FREM1: variants seen among roughly 807,000 people sequenced by gnomAD.
FREM1 encodes FRAS1-related extracellular matrix protein 1.
A neutral mutation model predicts 210.1 loss-of-function variants in FREM1; 220 were observed. The observed-to-expected ratio is 1.05, with a 90% CI of 0.94 to 1.17. The LOEUF is 1.17. Among genes scored for constraint, FREM1 ranks in the 50% most tolerant of loss-of-function variants. The pLI, the probability that FREM1 is intolerant of heterozygous loss-of-function variation, is 0.00. For missense variants in FREM1, 3,454 were observed against 2,675.5 expected (o/e 1.29, Z -6.42); for synonymous variants, 1,189 against 980.2 (o/e 1.21, Z -3.98).
intron 10 of FREM1, among the ~76,000 whole-genome samples, chr9:14,826,131 C>G (rs151048306): frequency 7.4e-6 from 1 of 135,234 alleles, no homozygotes; most frequent in East Asian, 2.2e-4. Context: ...CTCACACTGT[C>G]ACACAGGCTG....
At chr9:14,804,683 AC>A (rs1305342493) in intron 19 of FREM1, among the ~76,000 whole-genome samples, 2 of 152,208 alleles carry the variant, frequency 1.3e-5, no homozygotes, top group Non-Finnish European at 2.9e-5. Flanking sequence ...TAGGCAAGAT[AC>A]AAGACAATGG....
intron 1 of FREM1, among the ~76,000 whole-genome samples, chr9:14,871,489 T>G (rs1832671057): frequency 1.3e-5 from 2 of 152,150 alleles, no homozygotes; most frequent in African/African-American, 4.8e-5. Flanking sequence ...TTCGCCCACT[T>G]TTTGATGGGG....
chr9:14,872,849 A>C (rs2131941573), intron 1 of FREM1, among the ~76,000 whole-genome samples: 1 of 152,096 alleles, frequency 6.6e-6, no homozygotes, highest in East Asian at 1.9e-4. Context: ...TCCCATCAAT[A>C]CCTAATTTAT....
intron 1 of FREM1, among the ~76,000 whole-genome samples, chr9:14,883,317 T>C (rs1389065340): frequency 6.6e-6 from 1 of 152,120 alleles, no homozygotes; most frequent in Non-Finnish European, 1.5e-5. Flanking sequence ...ACAAAACTCA[T>C]CCTTCAATCA....
chr9:14,814,495 A>G (rs1385602649), intron 15 of FREM1, among the ~76,000 whole-genome samples: 1 of 152,246 alleles, frequency 6.6e-6, no homozygotes, highest in Non-Finnish European at 1.5e-5. Flanking sequence ...ACAAATATAC[A>G]TGAAATTTAA....
intron 1 of FREM1, among the ~76,000 whole-genome samples, chr9:14,887,457 C>T (rs919821029): frequency 6.6e-5 from 10 of 152,170 alleles, no homozygotes; most frequent in African/African-American, 2.4e-4. Context: ...GAAGACACAA[C>T]TGTAAAGCAG....
chr9:14,880,396 G>C (rs1379179866), intron 1 of FREM1, among the ~76,000 whole-genome samples: 2 of 152,110 alleles, frequency 1.3e-5, no homozygotes, highest in African/African-American at 2.4e-5. Flanking sequence ...CTGAAGTCAG[G>C]AGTTCGAGAC....
At chr9:14,866,885 A>G (rs1291532095) in intron 2 of FREM1, among the ~76,000 whole-genome samples, 4 of 151,424 alleles carry the variant, frequency 2.6e-5, no homozygotes, top group Admixed American at 6.6e-5. Flanking sequence ...TTTCAGACAG[A>G]GTCTCACACT....
intron 1 of FREM1, among the ~76,000 whole-genome samples, chr9:14,901,657 T>C (rs769633663): frequency 1.3e-5 from 2 of 152,198 alleles, no homozygotes; most frequent in Non-Finnish European, 2.9e-5. Context: ...ACATGTCTTA[T>C]TGTAGGAAGA....
At chr9:14,881,737 A>T (rs1834825584) in intron 1 of FREM1, among the ~76,000 whole-genome samples, 1 of 152,246 alleles carries the variant, frequency 6.6e-6, no homozygotes, top group South Asian at 2.1e-4. Context: ...CTAGGTATAT[A>T]GTCACCCAGA....
At chr9:14,767,044 T>C (rs1463153213) in intron 27 of FREM1, among the ~76,000 whole-genome samples, 1 of 152,214 alleles carries the variant, frequency 6.6e-6, no homozygotes, top group South Asian at 2.1e-4. Context: ...CGTTACACAT[T>C]TCTTTTGTTT....
At chr9:14,856,711 T>C (rs891611241) in intron 5 of FREM1, among the ~76,000 whole-genome samples, 1 of 151,876 alleles carries the variant, frequency 6.6e-6, no homozygotes, top group African/African-American at 2.4e-5. Flanking sequence ...CAGGCGCCTG[T>C]AGTCCCAGCT....
At chr9:14,840,315 A>G (rs938159701) in intron 10 of FREM1, among the ~76,000 whole-genome samples, 1 of 152,232 alleles carries the variant, frequency 6.6e-6, no homozygotes, top group Admixed American at 6.5e-5. Context: ...ATGTACGTAC[A>G]TAGTAGGTTT....
At position 14,806,846 on chromosome 9, in the gene FREM1, C is replaced by T. The variant is rs780366506; in HGVS notation, c.3089G>A (p.Gly1030Asp). Reference protein sequence around the residue: ...VDNQPPSIAIGPVFVVDEGCS... With the variant: ...VDNQPPSIAIDPVFVVDEGCS... Reference sequence around the variant, plus strand: ...GCCCTCATCTACAACAAACACGGGACCTGCATACAAATAAAAACACAATTA... The same window carrying T: ...GCCCTCATCTACAACAAACACGGGATCTGCATACAAATAAAAACACAATTA... Residue 1030 changes from glycine (G) to aspartate (D), a missense_variant and splice_region_variant, in exon 18 of 37, where the codon GGT becomes GAT. Coordinates refer to ENST00000380880, the MANE Select transcript of FREM1 (RefSeq NM_001379081.2). 66 of 1,585,556 alleles carry T rather than the reference C, an allele frequency of 4.2e-5. No homozygotes were observed. Among genetic ancestry groups the T allele is most frequent in the Non-Finnish European group, 5.4e-5 (63 of 1,162,742 alleles).
chr9:14,835,516 C>G (rs572438604), intron 10 of FREM1, among the ~76,000 whole-genome samples: 1 of 152,298 alleles, frequency 6.6e-6, no homozygotes, highest in African/African-American at 2.4e-5. Flanking sequence ...GGAGAACTGG[C>G]CTACCACCTT....
chr9:14,756,375 T>G lies in FREM1; in HGVS notation c.5406A>C (p.Pro1802=). ...ACAAACTGCAGACACAAAATGTACCTGGGTCAAACTGAATCAGTTTAGATG... is the reference window on the plus strand; with the variant it reads ...ACAAACTGCAGACACAAAATGTACCGGGGTCAAACTGAATCAGTTTAGATG... The part of the protein sequence containing the change: ...VIPSKLIQFD[P]GMSTKMWNIA... Residue 1802 remains proline (P), a splice_region_variant and synonymous_variant, in exon 29 of 37, where the codon CCA becomes CCC. Transcript: ENST00000380880. The G allele has an allele frequency of 1.3e-6, 2 of 1,585,470 alleles. No homozygotes were observed. The highest frequency in any genetic ancestry group is 2.7e-5 in the African/African-American group (2 of 74,022).
At chr9:14,786,014 T>C (rs1850373707) in intron 23 of FREM1, among the ~76,000 whole-genome samples, 1 of 152,164 alleles carries the variant, frequency 6.6e-6, no homozygotes, top group Non-Finnish European at 1.5e-5. Context: ...CTAGGGACCA[T>C]AATTGAATTT....
At chr9:14,749,785 T>C (rs1408310065) in intron 30 of FREM1, among the ~76,000 whole-genome samples, 1 of 152,204 alleles carries the variant, frequency 6.6e-6, no homozygotes, top group Non-Finnish European at 1.5e-5. Flanking sequence ...AAGAGTGCTC[T>C]TTAACAGAGA....
chr9:14,820,326 A>G (rs978574902), intron 13 of FREM1, among the ~76,000 whole-genome samples: 8 of 152,204 alleles, frequency 5.3e-5, no homozygotes, highest in Non-Finnish European at 1.2e-4. Context: ...GCAAGCAGAT[A>G]CAGTGGGGTA....
Sources: gnomAD v4.1 joint callset for allele counts (sites outside exome capture counted in the v4.1 genomes callset) on GRCh38, gnomAD v4.1.1 for gene constraint, MANE v1.5 for transcripts, NCBI Gene and HGNC (gene_info 2026-07-23, HGNC 2026-07-21) for gene names.